Variants in DENND2C observed in about 807,000 individuals in gnomAD.
The protein encoded by DENND2C is DENN domain containing 2C, also known as DENN domain-containing protein 2C.
Under a neutral mutation model 112.4 loss-of-function variants are expected in DENND2C, and 72 were observed. That is an observed-to-expected ratio of 0.64 (90% CI 0.53 to 0.78). The LOEUF (loss-of-function observed/expected upper bound fraction) is 0.78, where lower values mean the gene tolerates loss of function less well. Ranked by LOEUF, DENND2C falls within the 30% of genes least tolerant of loss-of-function variation. The pLI is 0.00. For missense variants in DENND2C, 992 were observed against 1,113.8 expected (o/e 0.89, Z 1.56); for synonymous variants, 329 against 381.6 (o/e 0.86, Z 1.61).
chr1:114,658,850 A>G (rs900381308), intron 1 of DENND2C, among the ~76,000 whole-genome samples: 2 of 151,652 alleles, frequency 1.3e-5, no homozygotes, highest in African/African-American at 4.8e-5. Flanking sequence ...GACCAGCCTG[A>G]GCAACATAGT....
chr1:114,626,147 T>C lies in DENND2C; in HGVS notation c.-163A>G, dbSNP rs1656336572. 5 of 661,994 alleles carry C rather than the reference T, an allele frequency of 7.6e-6. No individual in the cohort carries two copies. The highest frequency in any genetic ancestry group is 6.5e-5 in the Admixed American group (2 of 30,832). 41.0% of individuals were successfully genotyped at this position (661,994 alleles called of 1,614,324 possible). On this transcript the variant is annotated 5_prime_UTR_variant, in exon 4 of 21. Coordinates refer to ENST00000393274, the MANE Select transcript of DENND2C (RefSeq NM_001256404.2). ...TTTGTAAAAAGAAAATTTTGATCAG[T>C]GATCCTTGTTGAAAATGGCTACAAC...
At chr1:114,588,326 T>C (rs944670053) in intron 18 of DENND2C, among the ~76,000 whole-genome samples, 1 of 152,224 alleles carries the variant, frequency 6.6e-6, no homozygotes, top group Non-Finnish European at 1.5e-5. Flanking sequence ...TCATTTCTCT[T>C]GTCCCCTACA....
intron 3 of DENND2C, among the ~76,000 whole-genome samples, chr1:114,637,587 G>A (rs1255523851): frequency 6.6e-6 from 1 of 151,694 alleles, no homozygotes; most frequent in East Asian, 1.9e-4. Flanking sequence ...TGGGATCTCG[G>A]CTCACTGCTG....
chr1:114,663,810 T>C (rs1657569636), intron 1 of DENND2C, among the ~76,000 whole-genome samples: 1 of 152,244 alleles, frequency 6.6e-6, no homozygotes, highest in African/African-American at 2.4e-5. Context: ...CATTGAAGCG[T>C]TGTCTATGGC....
chr1:114,622,769 T>C lies in DENND2C; in HGVS notation c.1056+218A>G, dbSNP rs572815158. ...GTTCATGGCTGTCTAAAGGCATATA[T>C]ATTCAATTATTTTTGAAGTGTTAAA... is the stretch of plus-strand genomic sequence containing the variant. On this transcript the variant is annotated intron_variant, in intron 6 of 20. Transcript: ENST00000393274. Among the ~76,000 whole-genome samples the C allele has an allele frequency of 4.1e-4, 61 of 150,394 alleles. 2 individuals are homozygous for C. Among genetic ancestry groups the C allele is most frequent in the Middle Eastern group, 6.8e-3 (2 of 294 alleles).
chr1:114,646,410 C>T (rs765267921), intron 2 of DENND2C, among the ~76,000 whole-genome samples: 7 of 152,100 alleles, frequency 4.6e-5, no homozygotes, highest in African/African-American at 7.2e-5. Flanking sequence ...TTTTCCATAA[C>T]GTAATCAAAA....
At chr1:114,594,618 G>A in intron 17 of DENND2C, 40 bp from the exon 18 acceptor site, 4 of 1,527,108 alleles carry the variant, frequency 2.6e-6, no homozygotes, top group Non-Finnish European at 3.6e-6. Context: ...CTTTGTTTGA[G>A]ATTTGAGGGA....
At chr1:114,625,069 G>A in intron 4 of DENND2C, 110 bp downstream of exon 4, 4 of 1,082,410 alleles carry the variant, frequency 3.7e-6, no homozygotes, top group Non-Finnish European at 5.2e-6. Flanking sequence ...GTTCAAAGCA[G>A]GGGCATCACC....
At chr1:114,651,610 G>A (rs1467099014) in intron 2 of DENND2C, among the ~76,000 whole-genome samples, 2 of 152,088 alleles carry the variant, frequency 1.3e-5, no homozygotes, top group Non-Finnish European at 2.9e-5. Context: ...ATGGTGGCAT[G>A]TGCCTATAAT....
In DENND2C at chr1:114,622,013, G is replaced by A. The variant is rs957666033; in HGVS notation, c.1109C>T (p.Ser370Leu). Reference sequence around the variant, plus strand: ...AAGCTTTGACCGCAAATAAGCCTGTGAGTTCTTTACTTCCATAGTCTTCCG... The same window carrying A: ...AAGCTTTGACCGCAAATAAGCCTGTAAGTTCTTTACTTCCATAGTCTTCCG... Reference protein sequence around the residue: ...LHRKTMEVKNSQAYLRSKLTK... With the variant: ...LHRKTMEVKNLQAYLRSKLTK... The change falls in exon 7 of 21, where the codon TCA becomes TTA. Residue 370 changes from serine (S) to leucine (L), a missense_variant. Physicochemically the swap from Ser to Leu is moderately radical, Grantham distance 145. This residue lies in a region of DENND2C where 470 missense variants were observed against 472.7 expected (regional missense o/e 0.99). Transcript: ENST00000393274. 6.4e-7 allele frequency: 1 copy of A among 1,550,524 alleles called. No homozygotes were observed. The highest frequency in any genetic ancestry group is 8.7e-7 in the Non-Finnish European group (1 of 1,146,968).
At chr1:114,594,677 C>T in intron 17 of DENND2C, 99 bp from the exon 18 acceptor site, 7 of 993,370 alleles carry the variant, frequency 7.0e-6, no homozygotes, top group Non-Finnish European at 1.0e-5. Context: ...CCACAAGTGA[C>T]TGTATATATT....
At chr1:114,623,156 C>T in intron 5 of DENND2C, 57 bp from the exon 6 acceptor site, 2 of 1,478,774 alleles carry the variant, frequency 1.4e-6, no homozygotes, top group Admixed American at 2.0e-5. Flanking sequence ...CAAAGATAAC[C>T]ACAGCTGGCA....
chr1:114,634,667 G>A (rs1656595517), intron 3 of DENND2C, among the ~76,000 whole-genome samples: 1 of 152,002 alleles, frequency 6.6e-6, no homozygotes, highest in African/African-American at 2.4e-5. Context: ...CAAATTATTT[G>A]GAAACAAATC....
chr1:114,611,014 C>A (rs1655800771), intron 9 of DENND2C, 59 bp downstream of exon 9: 2 of 1,570,678 alleles, frequency 1.3e-6, no homozygotes, highest in Admixed American at 3.4e-5. Flanking sequence ...AAGGTAGGTG[C>A]CACTCCACCT....
intron 3 of DENND2C, among the ~76,000 whole-genome samples, chr1:114,635,597 TTCAAC>T (rs1246257967): frequency 2.0e-5 from 3 of 152,064 alleles, no homozygotes; most frequent in African/African-American, 7.2e-5. Context: ...TAGAAACAAT[TTCAAC>T]TCATTTTATG....
intron 2 of DENND2C, among the ~76,000 whole-genome samples, chr1:114,653,403 C>T (rs1001370701): frequency 6.6e-6 from 1 of 152,094 alleles, no homozygotes; most frequent in Non-Finnish European, 1.5e-5. Flanking sequence ...GCCACTGCGC[C>T]CAGCCTCCTA....
intron 15 of DENND2C, among the ~76,000 whole-genome samples, chr1:114,599,669 C>T (rs556111295): frequency 2.6e-5 from 4 of 152,034 alleles, no homozygotes; most frequent in South Asian, 2.1e-4. Context: ...ATTTCTCATG[C>T]GAAAAATTAG....
chr1:114,618,281 C>T, intron 8 of DENND2C, 105 bp downstream of exon 8: 1 of 722,984 alleles, frequency 1.4e-6, no homozygotes, highest in Non-Finnish European at 2.1e-6. Context: ...AGCCACCACG[C>T]CCGGCCCCAA....
Position 114,617,620 on chromosome 1 carries a change from T to C in DENND2C, c.1324+766A>G, listed in dbSNP as rs1440368158. On this transcript the variant is annotated intron_variant, in intron 8 of 20. Coordinates refer to ENST00000393274, the MANE Select transcript of DENND2C (RefSeq NM_001256404.2). ...CCACACCTGGCCAGGATAATACTTA[T>C]TAAATGACTACAAGTTGAGTACCAC... 3.3e-5 allele frequency among the ~76,000 whole-genome samples: 5 copies of C among 152,012 alleles called. No homozygotes were observed. In the South Asian group the frequency reaches 6.2e-4, roughly 19 times the overall value.
Sources: gnomAD v4.1 joint callset for allele counts (sites outside exome capture counted in the v4.1 genomes callset) on GRCh38, gnomAD v4.1.1 for gene constraint, gnomAD v4.1.1 regional missense constraint, MANE v1.5 for transcripts, NCBI Gene and HGNC (gene_info 2026-07-23, HGNC 2026-07-21) for gene names.